ZMYND11: variants seen among roughly 807,000 people sequenced by gnomAD.
ZMYND11 encodes zinc finger MYND domain-containing protein 11.
ZMYND11 carries 9 observed loss-of-function variants against 84.9 expected under a neutral mutation model. That is an observed-to-expected ratio of 0.11 (90% CI 0.06 to 0.18). The LOEUF is 0.18. Ranked by LOEUF, ZMYND11 falls within the 10% of genes least tolerant of loss-of-function variation. The pLI is 1.00. For missense variants in ZMYND11, 409 were observed against 761.0 expected (o/e 0.54, Z 5.44); for synonymous variants, 250 against 244.1 (o/e 1.02, Z -0.23).
At chr10:147,307 A>G (rs1452115892) in intron 1 of ZMYND11, among the ~76,000 whole-genome samples, 1 of 152,142 alleles carries the variant, frequency 6.6e-6, no homozygotes, top group Non-Finnish European at 1.5e-5. Context: ...TGTTGAAAGT[A>G]GGTATCCTTG....
chr10:190,083 G>T (rs1939928572), intron 2 of ZMYND11, among the ~76,000 whole-genome samples: 1 of 152,156 alleles, frequency 6.6e-6, no homozygotes, highest in Admixed American at 6.5e-5. Context: ...GAGGGGAATA[G>T]CAAATATTTT....
At chr10:165,209 T>G (rs1403783391) in intron 1 of ZMYND11, among the ~76,000 whole-genome samples, 2 of 152,134 alleles carry the variant, frequency 1.3e-5, no homozygotes, top group East Asian at 3.9e-4. Flanking sequence ...AACATATTGC[T>G]AAATCTAGTG....
chr10:229,950 C>G (rs924030526), intron 4 of ZMYND11, among the ~76,000 whole-genome samples: 3 of 152,088 alleles, frequency 2.0e-5, no homozygotes, highest in Non-Finnish European at 4.4e-5. Context: ...TAAAAAGCTC[C>G]TAGATCTCCT....
At chr10:216,112 AT>A (rs1946157759) in intron 3 of ZMYND11, among the ~76,000 whole-genome samples, 1 of 152,168 alleles carries the variant, frequency 6.6e-6, no homozygotes, top group Admixed American at 6.5e-5. Flanking sequence ...TTCTCTTGAA[AT>A]TTAGCTTAGC....
intron 1 of ZMYND11, among the ~76,000 whole-genome samples, chr10:149,700 A>G (rs1554756428): frequency 6.6e-6 from 1 of 152,184 alleles, no homozygotes; most frequent in Non-Finnish European, 1.5e-5. Flanking sequence ...AATGGGCACT[A>G]ATTTTATACT....
intron 14 of ZMYND11, among the ~76,000 whole-genome samples, chr10:251,137 G>A (rs1240281999): frequency 3.3e-5 from 5 of 152,206 alleles, no homozygotes; most frequent in Admixed American, 2.0e-4. Flanking sequence ...TGGATGTCAC[G>A]AGAAACACAG....
chr10:145,894 C>G (rs143816588), intron 1 of ZMYND11, among the ~76,000 whole-genome samples: 5 of 152,058 alleles, frequency 3.3e-5, no homozygotes, highest in Non-Finnish European at 7.4e-5. Flanking sequence ...TTAATTAGGT[C>G]TTATTTACTT....
intron 2 of ZMYND11, among the ~76,000 whole-genome samples, chr10:209,234 C>T (rs1288779580): frequency 1.3e-5 from 2 of 151,912 alleles, no homozygotes; most frequent in African/African-American, 4.8e-5. Flanking sequence ...TCTCAGTGAT[C>T]CAGGGTGTGT....
chr10:140,662 T>G (rs1837304164), intron 1 of ZMYND11, among the ~76,000 whole-genome samples: 1 of 152,244 alleles, frequency 6.6e-6, no homozygotes, highest in African/African-American at 2.4e-5. Flanking sequence ...ATCTCAGGTT[T>G]CTTTTAAAGA....
At chr10:197,166 G>T (rs889853350) in intron 2 of ZMYND11, among the ~76,000 whole-genome samples, 5 of 147,288 alleles carry the variant, frequency 3.4e-5, no homozygotes, top group African/African-American at 5.1e-5. Flanking sequence ...CAATACATAC[G>T]CGTGGAAAGT....
At chr10:211,502 C>T (rs1234042826) in intron 3 of ZMYND11, among the ~76,000 whole-genome samples, 1 of 152,150 alleles carries the variant, frequency 6.6e-6, no homozygotes, top group African/African-American at 2.4e-5. Context: ...ACATACTAAC[C>T]TGTGAAGCCT....
In ZMYND11 at chr10:248,357, G is replaced by A; in HGVS notation, c.1249G>A (p.Ala417Thr). 1 of 1,613,870 alleles carries A rather than the reference G, an allele frequency of 6.2e-7. No individual in the cohort carries two copies. The highest frequency in any genetic ancestry group is 8.5e-7 in the Non-Finnish European group (1 of 1,179,810). Residue 417 changes from alanine to threonine, a missense_variant, in exon 13 of 15, where the codon GCA becomes ACA. Physicochemically the swap from Ala to Thr is moderately conservative, Grantham distance 58. Transcript: ENST00000381604. ...KKEEPEPETEAVSSSQEIPTM... is the reference protein window; with the variant it reads ...KKEEPEPETETVSSSQEIPTM... ...TTAGGAACCAGAGCCTGAAACAGAAGCAGTAAGTTCTAGCCAGGAAATACC... is the reference window on the plus strand; with the variant it reads ...TTAGGAACCAGAGCCTGAAACAGAAACAGTAAGTTCTAGCCAGGAAATACC...
chr10:229,703 T>A (rs560904984), intron 4 of ZMYND11, among the ~76,000 whole-genome samples: 51 of 152,276 alleles, frequency 3.3e-4, no homozygotes, highest in Non-Finnish European at 5.3e-4. Context: ...GAAAATAGTT[T>A]TAGAAAATGA....
intron 4 of ZMYND11, among the ~76,000 whole-genome samples, chr10:234,982 A>ATGTTTGTGTGTGTG (rs1554786689): frequency 6.7e-6 from 1 of 148,884 alleles, no homozygotes; most frequent in Admixed American, 6.7e-5. Flanking sequence ...TATTTCGCAA[A>ATGTTTGTGTGTGTG]TGTGTGTGTG....
rs932945364 is a variant in ZMYND11 at position 254,063 on chromosome 10, C to T, written c.*1593C>T. 2 of 152,418 alleles carry T rather than the reference C, an allele frequency of 1.3e-5. No individual in the cohort carries two copies. Among genetic ancestry groups the T allele is most frequent in the Non-Finnish European group, 2.9e-5 (2 of 68,030 alleles). 9.4% of individuals were successfully genotyped at this position (152,418 alleles called of 1,614,324 possible). On this transcript the variant is annotated 3_prime_UTR_variant, in exon 15 of 15. Coordinates refer to ENST00000381604, the MANE Select transcript of ZMYND11 (RefSeq NM_001370100.5). ...AAATTATGCAGTAACTTGGCATCAT[C>T]GTTCCCTCCTTGTTGCTGTGTAATT...
intron 1 of ZMYND11, among the ~76,000 whole-genome samples, chr10:164,925 G>A (rs929975934): frequency 2.6e-5 from 4 of 152,026 alleles, no homozygotes; most frequent in African/African-American, 9.7e-5. Context: ...GGGGTAGGGG[G>A]CTTGGGACTA....
upstream of ZMYND11, among the ~76,000 whole-genome samples, chr10:131,659 C>T (rs575434903): frequency 1.2e-4 from 19 of 152,114 alleles, no homozygotes; most frequent in African/African-American, 3.4e-4. Flanking sequence ...CGAGTAGCTG[C>T]GACTACAGGA....
intron 1 of ZMYND11, among the ~76,000 whole-genome samples, chr10:142,220 C>T (rs1554754144): frequency 6.6e-6 from 1 of 152,194 alleles, no homozygotes; most frequent in Admixed American, 6.5e-5. Flanking sequence ...CACACCTCAG[C>T]CTCCCCAGGA....
chr10:138,825 T>A (rs1836775797), intron 1 of ZMYND11, among the ~76,000 whole-genome samples: 1 of 152,154 alleles, frequency 6.6e-6, no homozygotes, highest in Admixed American at 6.5e-5. Flanking sequence ...AACCTTAAAT[T>A]GGATTTAACA....
Sources: allele counts gnomAD v4.1 joint callset (sites outside exome capture counted in the v4.1 genomes callset), GRCh38; gene constraint gnomAD v4.1.1; transcripts MANE v1.5; gene names NCBI Gene and HGNC (gene_info 2026-07-23, HGNC 2026-07-21).